PRAMEF20: variants seen among roughly 807,000 people sequenced by gnomAD.
PRAMEF20 encodes PRAME family member 20/21.
A neutral mutation model predicts 32.4 loss-of-function variants in PRAMEF20; 27 were observed. The observed-to-expected ratio is 0.83, with a 90% CI of 0.61 to 1.15. PRAMEF20 has a LOEUF of 1.15. Among genes scored for constraint, PRAMEF20 ranks in the 50% most tolerant of loss-of-function variants. The pLI, the probability that PRAMEF20 is intolerant of heterozygous loss-of-function variation, is 0.00. For missense variants in PRAMEF20, 604 were observed against 584.5 expected, an observed-to-expected ratio of 1.03 and a Z score of -0.34; for synonymous variants, 256 against 235.4, an observed-to-expected ratio of 1.09 and a Z score of -0.80.
upstream of PRAMEF20, among the ~76,000 whole-genome samples, chr1:13,413,423 G>A (rs1641132820): frequency 6.6e-6 from 1 of 152,076 alleles, no homozygotes; most frequent in African/African-American, 2.4e-5. Flanking sequence ...GGAGTGCAGT[G>A]GTACAATCTC....
At chr1:13,419,320 A>C (rs1439111708) in intron 2 of PRAMEF20, among the ~76,000 whole-genome samples, 3 of 151,978 alleles carry the variant, frequency 2.0e-5, no homozygotes, top group Admixed American at 6.6e-5. Context: ...CTCCTGGCTA[A>C]GTATTTTTAG....
exon 3 of PRAMEF20, chr1:13,420,990 A>T: frequency 6.2e-7 from 1 of 1,613,734 alleles, no homozygotes; most frequent in South Asian, 1.1e-5. Context: ...TTCCGTGGAA[A>T]TCCCATCTCC....
At chr1:13,414,271 G>C (rs2100429840), upstream of PRAMEF20, among the ~76,000 whole-genome samples, 1 of 145,684 alleles carries the variant, frequency 6.9e-6, no homozygotes, top group South Asian at 2.1e-4. Context: ...ATGTTTTCCA[G>C]GCTGGTCTTG....
chr1:13,420,678 T>G lies in PRAMEF20; in HGVS notation c.867-19T>G. On this transcript the variant is annotated intron_variant, in intron 2 of 2. Transcript: ENST00000602960. ...CCCCTACGATTCCCCAGAACTAACT[T>G]CCTGCTCTCTCTCCCCAGCTGTCTA... 6.2e-7 allele frequency: 1 copy of G among 1,613,796 alleles called. No individual in the cohort carries two copies. Among genetic ancestry groups the G allele is most frequent in the Non-Finnish European group, 8.5e-7 (1 of 1,179,792 alleles).
At chr1:13,418,460 A>T in exon 2 of PRAMEF20, 1 of 1,613,922 alleles carries the variant, frequency 6.2e-7, no homozygotes, top group Non-Finnish European at 8.5e-7. Context: ...TGTATCCAGG[A>T]GGTGGAAGTG....
chr1:13,413,405 C>T (rs1024133570), upstream of PRAMEF20, among the ~76,000 whole-genome samples: 12 of 152,174 alleles, frequency 7.9e-5, no homozygotes, highest in African/African-American at 2.9e-4. Flanking sequence ...TAGCCTATTT[C>T]TCAGGCTGGA....
intron 2 of PRAMEF20, among the ~76,000 whole-genome samples, chr1:13,418,997 T>C (rs1244724980): frequency 5.3e-5 from 8 of 152,144 alleles, no homozygotes; most frequent in Admixed American, 3.9e-4. Flanking sequence ...GTTAAGATGA[T>C]GAGAAATAGG....
chr1:13,420,621 C>G (rs1219321467), intron 2 of PRAMEF20, 76 bp from the exon 4 acceptor site: 1 of 1,601,114 alleles, frequency 6.2e-7, no homozygotes, highest in Non-Finnish European at 8.6e-7. Flanking sequence ...CCATCCATCA[C>G]TTTGAAGTCA....
At chr1:13,415,590 G>C (rs1279204672), upstream of PRAMEF20, among the ~76,000 whole-genome samples, 1 of 152,048 alleles carries the variant, frequency 6.6e-6, no homozygotes, top group African/African-American at 2.4e-5. Flanking sequence ...AGACCAGCCT[G>C]GGCAACATAG....
rs1641209010 is a variant in PRAMEF20 at position 13,418,605 on chromosome 1, C to CAGTT, written c.771_772insAGTT (p.Gln258SerfsTer46). 2 of 1,613,806 alleles carry CAGTT rather than the reference C, an allele frequency of 1.2e-6. No individual in the cohort carries two copies. Among genetic ancestry groups the CAGTT allele is most frequent in the African/African-American group, 2.7e-5 (2 of 74,908 alleles). The stretch of plus-strand genomic sequence containing the variant: ...CAGAGCAGAAGAAGGAGTTTGTTAC[C>CAGTT]CAGTTCACCACTCAGTTCCTCAAGC... On this transcript the variant is annotated frameshift_variant, in exon 2 of 3. Coordinates refer to ENST00000602960, the Ensembl canonical transcript of PRAMEF20. LOFTEE classifies it high-confidence loss of function.
upstream of PRAMEF20, among the ~76,000 whole-genome samples, chr1:13,413,703 A>AT (rs1335703165): frequency 2.0e-5 from 3 of 151,992 alleles, no homozygotes; most frequent in Non-Finnish European, 4.4e-5. Context: ...ATGTGATTAG[A>AT]AAGGTCCATA....
intron 1 of PRAMEF20, among the ~76,000 whole-genome samples, chr1:13,417,204 C>G (rs1641185718): frequency 6.6e-6 from 1 of 152,086 alleles, no homozygotes; most frequent in Non-Finnish European, 1.5e-5. Context: ...GGGTGGCCAG[C>G]TTTTATTCCC....
At chr1:13,421,164 G>T in exon 3 of PRAMEF20, 1 of 1,613,900 alleles carries the variant, frequency 6.2e-7, no homozygotes, top group Non-Finnish European at 8.5e-7. Context: ...AGGGCCTTAA[G>T]GGAGCCCGAG....
chr1:13,420,764 C>A, exon 3 of PRAMEF20: 1 of 1,613,940 alleles, frequency 6.2e-7, no homozygotes, highest in Non-Finnish European at 8.5e-7. Flanking sequence ...AGACTTGAAG[C>A]ATCTGTCCAA....
upstream of PRAMEF20, among the ~76,000 whole-genome samples, chr1:13,411,369 G>A (rs1195403858): frequency 1.3e-5 from 2 of 151,104 alleles, no homozygotes; most frequent in African/African-American, 2.4e-5. Flanking sequence ...TATGCAAACA[G>A]TTTAAACAAT....
chr1:13,420,451 T>G (rs985752466), intron 2 of PRAMEF20, among the ~76,000 whole-genome samples: 73 of 152,250 alleles, frequency 4.8e-4, no homozygotes, highest in South Asian at 8.3e-4. Flanking sequence ...TCCAGTGATC[T>G]GCCCGTCTCA....
chr1:13,417,258 CTTT>C (rs895928883), intron 1 of PRAMEF20, among the ~76,000 whole-genome samples: 8 of 151,988 alleles, frequency 5.3e-5, no homozygotes, highest in African/African-American at 1.7e-4. Context: ...ATCAGAGTGC[CTTT>C]TTTTCAATCA....
At chr1:13,414,208 A>ATTTTTTTTTTTTTTTTTTTTTTTTTT (rs149194621), upstream of PRAMEF20, among the ~76,000 whole-genome samples, 4 of 123,280 alleles carry the variant, frequency 3.2e-5, no homozygotes, top group Non-Finnish European at 3.3e-5. Flanking sequence ...CACCTGACTA[A>ATTTTTTTTTTTTTTTTTTTTTTTTTT]TTTTTTTTTT....
chr1:13,412,040 A>C (rs1301432289), upstream of PRAMEF20, among the ~76,000 whole-genome samples: 1 of 148,820 alleles, frequency 6.7e-6, no homozygotes, highest in East Asian at 1.9e-4. Context: ...TATTTTATTT[A>C]TTTATTTATT....
Sources: gnomAD v4.1 joint callset for allele counts (sites outside exome capture counted in the v4.1 genomes callset) on GRCh38, gnomAD v4.1.1 for gene constraint, MANE v1.5 for transcripts, NCBI Gene and HGNC (gene_info 2026-07-23, HGNC 2026-07-21) for gene names.